The following PTGER3 variants were observed in gnomAD, a reference collection of about 807,000 sequenced individuals.
The protein encoded by PTGER3 is prostaglandin E receptor 3.
In PTGER3, 22 loss-of-function variants were observed where a neutral mutation model predicts 34.7. That is an observed-to-expected ratio of 0.63 (90% confidence interval 0.45 to 0.91). The LOEUF (loss-of-function observed/expected upper bound fraction) is 0.91, where lower values mean the gene tolerates loss of function less well. Among genes scored for constraint, PTGER3 ranks in the 40% least tolerant of loss-of-function variants. The probability of loss-of-function intolerance (pLI) is 0.00; values close to 1 mark genes in which losing one functional copy is unlikely to be tolerated. For missense variants in PTGER3, 468 were observed against 519.4 expected, an observed-to-expected ratio of 0.90 and a Z score of 0.96; for synonymous variants, 241 against 230.1, an observed-to-expected ratio of 1.05 and a Z score of -0.43.
intron 4 of PTGER3, among the ~76,000 whole-genome samples, chr1:70,875,882 T>C (rs1646261644): frequency 6.6e-6 from 1 of 152,204 alleles, no homozygotes; most frequent in African/African-American, 2.4e-5. Flanking sequence ...CTACTGAATA[T>C]AGTGCTGCAA....
chr1:70,927,696 A>G (rs1210507860), intron 4 of PTGER3, among the ~76,000 whole-genome samples: 2 of 152,100 alleles, frequency 1.3e-5, no homozygotes, highest in East Asian at 3.9e-4. Context: ...AGGAGAAGAG[A>G]GCTATGCTGG....
At chr1:70,937,637 G>A (rs1422637918) in intron 4 of PTGER3, among the ~76,000 whole-genome samples, 3 of 152,132 alleles carry the variant, frequency 2.0e-5, no homozygotes, top group Non-Finnish European at 4.4e-5. Flanking sequence ...AAACTTGTGA[G>A]TTAGTCATTT....
exon 5 of PTGER3, chr1:70,852,787 A>G: frequency 6.2e-7 from 1 of 1,602,412 alleles, no homozygotes; most frequent in East Asian, 2.2e-5. Flanking sequence ...TTCTTTTACA[A>G]AAAGAGAGTC....
At chr1:71,044,503 T>G (rs1660587928) in intron 1 of PTGER3, among the ~76,000 whole-genome samples, 1 of 152,048 alleles carries the variant, frequency 6.6e-6, no homozygotes, top group Admixed American at 6.5e-5. Context: ...TTTAATGTTT[T>G]TATAATTGAA....
At chr1:70,903,143 C>T (rs1236150509) in intron 4 of PTGER3, among the ~76,000 whole-genome samples, 2 of 152,086 alleles carry the variant, frequency 1.3e-5, no homozygotes, top group East Asian at 3.9e-4. Flanking sequence ...AGTAATGTGA[C>T]TACAAGCCAA....
At chr1:71,013,267 A>G (rs1657608164) in intron 1 of PTGER3, among the ~76,000 whole-genome samples, 1 of 152,212 alleles carries the variant, frequency 6.6e-6, no homozygotes, top group Non-Finnish European at 1.5e-5. Context: ...TATACAACAT[A>G]AAAATGACAG....
At chr1:70,896,015 T>C (rs1164519061) in intron 4 of PTGER3, among the ~76,000 whole-genome samples, 1 of 152,234 alleles carries the variant, frequency 6.6e-6, no homozygotes, top group Non-Finnish European at 1.5e-5. Context: ...CTACTCTTTC[T>C]GGGAAAGACT....
intron 4 of PTGER3, among the ~76,000 whole-genome samples, chr1:70,856,799 A>C (rs1368591195): frequency 1.3e-5 from 2 of 152,214 alleles, no homozygotes; most frequent in Non-Finnish European, 2.9e-5. Context: ...ACAATAGTAC[A>C]ATGTCAAAAC....
At chr1:71,014,572 G>A (rs1657724915) in intron 1 of PTGER3, among the ~76,000 whole-genome samples, 1 of 152,144 alleles carries the variant, frequency 6.6e-6, no homozygotes, top group Admixed American at 6.6e-5. Flanking sequence ...GAGGTCATGA[G>A]GGTGGAGCTC....
intron 4 of PTGER3, among the ~76,000 whole-genome samples, chr1:70,881,795 A>G (rs540709696): frequency 1.3e-5 from 2 of 152,260 alleles, no homozygotes; most frequent in Admixed American, 1.3e-4. Context: ...CAGACAAGCC[A>G]TTTCCTTGCT....
At chr1:71,012,925 ATAT>A (rs3044614) in intron 1 of PTGER3, among the ~76,000 whole-genome samples, 136,172 of 150,456 alleles carry the variant, frequency 0.91, 61,733 homozygotes, top group East Asian at 0.96. Flanking sequence ...AAAGGAGGAA[ATAT>A]TATTATTATT....
chr1:71,015,864 G>A (rs1000861798), intron 1 of PTGER3, among the ~76,000 whole-genome samples: 1 of 152,040 alleles, frequency 6.6e-6, no homozygotes, highest in South Asian at 2.1e-4. Flanking sequence ...ATTCTTAAAC[G>A]AATCCCTGGC....
chr1:70,965,974 A>G (rs1652475139), downstream of PTGER3, among the ~76,000 whole-genome samples: 1 of 152,192 alleles, frequency 6.6e-6, no homozygotes, highest in African/African-American at 2.4e-5. Flanking sequence ...TTAGCATTTG[A>G]GTTTTATGTT....
intron 4 of PTGER3, chr1:70,886,160 G>A (rs577722586): frequency 1.6e-5 from 5 of 310,020 alleles, no homozygotes; most frequent in South Asian, 1.2e-4. Context: ...CCACATAATG[G>A]GATTAATGCC....
chr1:70,852,593 A>T (rs1174258424), exon 5 of PTGER3: 1 of 557,252 alleles, frequency 1.8e-6, no homozygotes, highest in Non-Finnish European at 3.2e-6. Context: ...ATGTATACGC[A>T]AATATAAATT....
chr1:70,989,185 T>A (rs1017653510), intron 2 of PTGER3, among the ~76,000 whole-genome samples: 3 of 152,212 alleles, frequency 2.0e-5, no homozygotes, highest in Non-Finnish European at 4.4e-5. Context: ...GAAATCAGAA[T>A]GCTTGAAGCT....
At chr1:71,036,276 T>G (rs899040393) in intron 1 of PTGER3, among the ~76,000 whole-genome samples, 3 of 152,144 alleles carry the variant, frequency 2.0e-5, no homozygotes, top group Non-Finnish European at 2.9e-5. Flanking sequence ...CTCTCAAGAT[T>G]TGAAGCCAAA....
chr1:70,908,704 C>G (rs1647000558), intron 4 of PTGER3, among the ~76,000 whole-genome samples: 1 of 152,188 alleles, frequency 6.6e-6, no homozygotes, highest in African/African-American at 2.4e-5. Context: ...ATGCACATGT[C>G]TTTTGCCCCA....
intron 4 of PTGER3, among the ~76,000 whole-genome samples, chr1:70,877,531 C>T (rs1020138495): frequency 5.9e-5 from 9 of 152,050 alleles, no homozygotes; most frequent in Admixed American, 1.3e-4. Context: ...TGTCTTGTTC[C>T]GGTTCTCAAG....
Sources: allele counts gnomAD v4.1 joint callset (sites outside exome capture counted in the v4.1 genomes callset), GRCh38; gene constraint gnomAD v4.1.1; transcripts MANE v1.5; gene names NCBI Gene and HGNC (gene_info 2026-07-23, HGNC 2026-07-21).